The following TNNT1 variants were observed in gnomAD, a reference collection of about 807,000 sequenced individuals.
The protein encoded by TNNT1 is troponin T, slow skeletal muscle.
Under a neutral mutation model 50.6 loss-of-function variants are expected in TNNT1, and 53 were observed. That is an observed-to-expected ratio of 1.05 (90% CI 0.84 to 1.32). The LOEUF is 1.32. TNNT1 is among the 40% of genes most tolerant of loss of function. TNNT1 has a pLI of 0.00. For missense variants in TNNT1, 348 were observed against 381.7 expected (o/e 0.91, Z 0.74); for synonymous variants, 142 against 138.0 (o/e 1.03, Z -0.20).
At position 55,147,264 on chromosome 19, in the gene TNNT1, A is replaced by T. The variant is rs1192610530; in HGVS notation, c.-11-96T>A. 4.9e-6 allele frequency: 6 copies of T among 1,212,538 alleles called. No homozygotes were observed. The Admixed American group carries it at 8.0e-5, about 16-fold the overall frequency. 75.1% of individuals were successfully genotyped at this position (1,212,538 alleles called of 1,614,324 possible). On this transcript the variant is annotated intron_variant, in intron 1 of 13. Coordinates refer to ENST00000588981, the MANE Select transcript of TNNT1 (RefSeq NM_003283.6). ...GAGGGAGGAGGGGCTGGGGGCCTGG[A>T]CTCCTGGGTCTGGACTCCTGGGTGT...
At chr19:55,133,592 C>T (rs377008115) in intron 13 of TNNT1, 8 of 489,782 alleles carry the variant, frequency 1.6e-5, no homozygotes, top group South Asian at 4.4e-5. Flanking sequence ...GCAGGAGAAT[C>T]GCTTGAACCC....
chr19:55,146,529 G>A, intron 4 of TNNT1, 63 bp from the exon 5 acceptor site: 1 of 1,150,824 alleles, frequency 8.7e-7, no homozygotes, highest in South Asian at 2.0e-5. Flanking sequence ...CCACGCCCGG[G>A]CGCGGGAGGG....
chr19:55,146,198 C>G (rs1197918226), intron 5 of TNNT1, among the ~76,000 whole-genome samples: 1 of 151,948 alleles, frequency 6.6e-6, no homozygotes, highest in East Asian at 1.9e-4. Context: ...GGGAAGAAGG[C>G]TTGGGTGTCG....
chr19:55,141,324 C>G lies in TNNT1; in HGVS notation c.193-22G>C, dbSNP rs201286807. On this transcript the variant is annotated intron_variant, in intron 7 of 13. Coordinates refer to ENST00000588981, the MANE Select transcript of TNNT1 (RefSeq NM_003283.6). ...TGTCCTGCAGGACACACGGGCAGCCCGTCCTAGGAGACCCTGGAGGGGGCA... is the reference window on the plus strand; with the variant it reads ...TGTCCTGCAGGACACACGGGCAGCCGGTCCTAGGAGACCCTGGAGGGGGCA... 2.6e-4 allele frequency: 408 copies of G among 1,599,948 alleles called. 1 individual carries two copies. In the Admixed American group the frequency reaches 6.7e-3, roughly 26 times the overall value.
At chr19:55,136,583 C>T (rs1455144832) in intron 11 of TNNT1, among the ~76,000 whole-genome samples, 4 of 152,180 alleles carry the variant, frequency 2.6e-5, no homozygotes, top group Admixed American at 2.0e-4. Context: ...CCGATCACGG[C>T]GCCACTCTGG....
chr19:55,142,133 G>GT (rs2085469017), intron 6 of TNNT1: 11 of 540,564 alleles, frequency 2.0e-5, no homozygotes, highest in Non-Finnish European at 2.7e-5. Context: ...GTTTTGTTTT[G>GT]TTTTTTTGAC....
At chr19:55,135,681 C>G (rs1325338374) in intron 11 of TNNT1, 1 of 155,930 alleles carries the variant, frequency 6.4e-6, no homozygotes, top group Non-Finnish European at 1.4e-5. Flanking sequence ...CGCCTGCCAC[C>G]ACGCCCGGCT....
At chr19:55,145,249 T>C (rs1185904630) in intron 6 of TNNT1, among the ~76,000 whole-genome samples, 1 of 151,404 alleles carries the variant, frequency 6.6e-6, no homozygotes, top group African/African-American at 2.4e-5. Context: ...TGGGCCAGGA[T>C]TGGGTCACTG....
At chr19:55,136,377 G>A (rs985832107) in intron 11 of TNNT1, among the ~76,000 whole-genome samples, 3 of 152,100 alleles carry the variant, frequency 2.0e-5, no homozygotes, top group Non-Finnish European at 2.9e-5. Context: ...ATGAGCCACC[G>A]GGCCCAGCCT....
At chr19:55,141,500 G>C (rs908428528) in intron 7 of TNNT1, among the ~76,000 whole-genome samples, 198 bp from the exon 8 acceptor site, 1 of 151,280 alleles carries the variant, frequency 6.6e-6, no homozygotes, top group Non-Finnish European at 1.5e-5. Flanking sequence ...AGTGGGGACC[G>C]GCGCCTTTTT....
intron 1 of TNNT1, among the ~76,000 whole-genome samples, chr19:55,148,724 C>T (rs1028364519): frequency 2.6e-5 from 4 of 151,928 alleles, no homozygotes; most frequent in African/African-American, 9.7e-5. Context: ...TGCTTTCTAT[C>T]ATAATGTCTC....
intron 6 of TNNT1, among the ~76,000 whole-genome samples, chr19:55,143,423 G>A (rs2085493845): frequency 6.6e-6 from 1 of 152,078 alleles, no homozygotes. Flanking sequence ...TCTCTTTTCT[G>A]GGTTTCTGAG....
intron 9 of TNNT1, among the ~76,000 whole-genome samples, chr19:55,138,903 T>A (rs549995072): frequency 6.6e-6 from 1 of 152,328 alleles, no homozygotes; most frequent in South Asian, 2.1e-4. Flanking sequence ...CTTCATTGAA[T>A]GTTCCAGAAA....
chr19:55,144,412 C>T (rs534945395), intron 6 of TNNT1, among the ~76,000 whole-genome samples: 2 of 151,990 alleles, frequency 1.3e-5, no homozygotes, highest in South Asian at 2.1e-4. Flanking sequence ...CAGGGTCTTG[C>T]TCTGTTGCCC....
intron 1 of TNNT1, 53 bp from the exon 2 acceptor site, chr19:55,147,221 A>T: frequency 6.4e-7 from 1 of 1,569,708 alleles, no homozygotes; most frequent in Non-Finnish European, 8.7e-7. Context: ...GGAGGGGGCG[A>T]CCTAGACTCC....
At chr19:55,143,168 C>CA (rs564659968) in intron 6 of TNNT1, among the ~76,000 whole-genome samples, 33,655 of 126,426 alleles carry the variant, frequency 0.27, 5,997 homozygotes, top group African/African-American at 0.53. Context: ...GACTCTATCT[C>CA]AAAAAAAAAA....
intron 1 of TNNT1, chr19:55,148,193 GATGGT>G (rs1303787846): frequency 6.6e-6 from 1 of 151,862 alleles, no homozygotes; most frequent in Non-Finnish European, 1.5e-5. Flanking sequence ...GGATGTCATA[GATGGT>G]GAAACCGAGG....
intron 13 of TNNT1, chr19:55,133,627 G>A: frequency 1.8e-6 from 1 of 553,090 alleles, no homozygotes; most frequent in Non-Finnish European, 3.2e-6. Context: ...GCAGTGAGCT[G>A]AGATCACTCC....
In TNNT1 at chr19:55,138,071, C is replaced by T; in HGVS notation, c.391G>A (p.Glu131Lys). 1.2e-6 allele frequency: 2 copies of T among 1,614,126 alleles called. No homozygotes were observed. Among genetic ancestry groups the T allele is most frequent in the Non-Finnish European group, 8.5e-7 (1 of 1,179,994 alleles). ...TCTTCCTCTTCCTTCCTCATCTTCTCCTCCTGTGGGAAGTAAGGGGTTAAC... is the reference window on the plus strand; with the variant it reads ...TCTTCCTCTTCCTTCCTCATCTTCTTCTCCTGTGGGAAGTAAGGGGTTAAC... ...ERERQAKLAE[E>K]KMRKEEEEAK... Residue 131 changes from glutamate (E) to lysine (K), a missense_variant, in exon 10 of 14, where the codon GAG becomes AAG. Physicochemically the swap from Glu to Lys is moderately conservative, Grantham distance 56. Around this residue, in one of 3 missense-constraint regions of TNNT1, gnomAD observed 253 missense variants for 291.8 expected, o/e 0.87. Transcript: ENST00000588981.
Sources: allele counts gnomAD v4.1 joint callset (sites outside exome capture counted in the v4.1 genomes callset), GRCh38; gene constraint gnomAD v4.1.1; regional missense constraint gnomAD v4.1.1; transcripts MANE v1.5; gene names NCBI Gene and HGNC (gene_info 2026-07-23, HGNC 2026-07-21).